The following EZR variants were observed in gnomAD, a reference collection of about 807,000 sequenced individuals.
EZR encodes the protein ezrin.
EZR carries 40 observed loss-of-function variants against 74.8 expected under a neutral mutation model. The ratio of observed to expected loss-of-function variants is 0.53; its 90% CI spans 0.42 to 0.70. The LOEUF is 0.70. Among genes scored for constraint, EZR ranks in the 30% least tolerant of loss-of-function variants. The pLI is 0.00. For missense variants in EZR, 678 were observed against 755.8 expected, an observed-to-expected ratio of 0.90 and a Z score of 1.21; for synonymous variants, 341 against 283.3, an observed-to-expected ratio of 1.20 and a Z score of -2.05.
intron 2 of EZR, among the ~76,000 whole-genome samples, chr6:158,797,597 T>G (rs1777101377): frequency 6.6e-6 from 1 of 152,310 alleles, no homozygotes; most frequent in South Asian, 2.1e-4. Flanking sequence ...TTTAACAGCT[T>G]TCAAATATTT....
intron 2 of EZR, among the ~76,000 whole-genome samples, chr6:158,802,876 C>T (rs949801798): frequency 6.6e-6 from 1 of 152,104 alleles, no homozygotes; most frequent in Non-Finnish European, 1.5e-5. Flanking sequence ...GTTTATCCCT[C>T]GAATACAGCA....
At chr6:158,788,178 G>C (rs1227990313) in intron 3 of EZR, 1 of 152,148 alleles carries the variant, frequency 6.6e-6, no homozygotes, top group Non-Finnish European at 1.5e-5. Flanking sequence ...CAGGTATACA[G>C]AGCATTTGCT....
chr6:158,771,441 C>A, intron 8 of EZR, 34 bp from the exon 9 acceptor site: 1 of 1,543,780 alleles, frequency 6.5e-7, no homozygotes, highest in South Asian at 1.2e-5. Flanking sequence ...TGGACTCAAG[C>A]TCCTTCGTTT....
At chr6:158,787,240 A>C (rs375550013) in intron 3 of EZR, 37 bp from the exon 4 acceptor site, 4 of 1,569,302 alleles carry the variant, frequency 2.5e-6, no homozygotes, top group Admixed American at 3.3e-5. Context: ...ACTCATGAGA[A>C]ACTCACTCAA....
chr6:158,767,572 G>A (rs1405244398), intron 12 of EZR, 60 bp from the exon 13 acceptor site: 6 of 1,507,930 alleles, frequency 4.0e-6, no homozygotes. Context: ...TCCTGGCTAT[G>A]AGAACAGACT....
intron 2 of EZR, among the ~76,000 whole-genome samples, chr6:158,790,146 T>C (rs910662304): frequency 5.3e-5 from 8 of 152,168 alleles, no homozygotes; most frequent in Non-Finnish European, 1.2e-4. Flanking sequence ...CAAAAATGGA[T>C]TATGTAGTGA....
chr6:158,802,960 A>G (rs1777220461), intron 2 of EZR, among the ~76,000 whole-genome samples: 1 of 152,160 alleles, frequency 6.6e-6, no homozygotes, highest in Non-Finnish European at 1.5e-5. Context: ...GGGAAGCAGG[A>G]ACTCATTTCC....
At chr6:158,816,662 A>G (rs966682443) in intron 2 of EZR, among the ~76,000 whole-genome samples, 1 of 152,250 alleles carries the variant, frequency 6.6e-6, no homozygotes, top group Non-Finnish European at 1.5e-5. Flanking sequence ...TGCATCACAA[A>G]TGAATCATCT....
intron 2 of EZR, among the ~76,000 whole-genome samples, chr6:158,794,851 C>G (rs1273357357): frequency 4.6e-5 from 7 of 152,116 alleles, no homozygotes; most frequent in African/African-American, 1.7e-4. Flanking sequence ...AACTTTACTC[C>G]TGTACCACTA....
At chr6:158,780,078 G>A (rs1233031509) in intron 7 of EZR, among the ~76,000 whole-genome samples, 1 of 151,746 alleles carries the variant, frequency 6.6e-6, no homozygotes, top group African/African-American at 2.4e-5. Flanking sequence ...GGCTACTCGG[G>A]AGGCTGAGGC....
chr6:158,791,782 C>G (rs1791755894), intron 2 of EZR, among the ~76,000 whole-genome samples: 1 of 133,240 alleles, frequency 7.5e-6, no homozygotes, highest in Admixed American at 8.4e-5. Flanking sequence ...GATCTTGGCT[C>G]ACTGCAAGCT....
chr6:158,811,231 A>G (rs952588806), intron 2 of EZR, among the ~76,000 whole-genome samples: 1 of 152,238 alleles, frequency 6.6e-6, no homozygotes. Context: ...AACTAATTGG[A>G]GTACTTGGGG....
rs775692684 is a variant in EZR, at chr6:158,771,249, C to T, written c.954G>A (p.Leu318=). The stretch of plus-strand genomic sequence containing the variant: ...CTCTGGCCTCACGCGCTCACCGCTC[C>T]AGCTGCTTCTGATGCTTCTCCTCCC... ...QAREEKHQKQ[L]ERQQLETEKK... The change falls in exon 9 of 14, where the codon CTG becomes CTA. Residue 318 remains leucine (L), a synonymous_variant. Transcript: ENST00000367075. The T allele has an allele frequency of 1.2e-6, 2 of 1,612,030 alleles. No individual in the cohort carries two copies. Among genetic ancestry groups the T allele is most frequent in the South Asian group, 2.2e-5 (2 of 90,750 alleles).
chr6:158,783,419 CTAAA>C (rs1351285572), intron 7 of EZR, 97 bp downstream of exon 7: 7 of 1,075,440 alleles, frequency 6.5e-6, no homozygotes, highest in African/African-American at 3.1e-5. Flanking sequence ...TAGTAAGTTG[CTAAA>C]TAAATACTTC....
rs199969659 is a variant in EZR at position 158,813,864 on chromosome 6, TAA to T, written c.12+4216_12+4217del. On this transcript the variant is annotated intron_variant, in intron 2 of 13. Transcript: ENST00000367075. ...CAGCTCTATGGTTCTCATGACAGCT[TAA>T]AGAGATCTCAGCCCTGAACACAATC... 6.6e-3 allele frequency among the ~76,000 whole-genome samples: 1,011 copies of T among 152,296 alleles called. 3 individuals are homozygous for T. Among genetic ancestry groups the T allele is most frequent in the Middle Eastern group, 0.037 (11 of 294 alleles).
intron 2 of EZR, among the ~76,000 whole-genome samples, chr6:158,811,930 T>TAAAAGAG (rs56397742): frequency 0.53 from 79,002 of 150,454 alleles, 21,654 homozygotes; most frequent in Non-Finnish European, 0.61. Context: ...GTGGAAGGAA[T>TAAAAGAG]AAAAGAGGAA....
At chr6:158,799,999 G>A (rs1777157112) in intron 2 of EZR, among the ~76,000 whole-genome samples, 1 of 152,100 alleles carries the variant, frequency 6.6e-6, no homozygotes, top group African/African-American at 2.4e-5. Context: ...AAAACCCAAT[G>A]ACGACTTTTT....
intron 7 of EZR, among the ~76,000 whole-genome samples, chr6:158,780,174 T>G (rs1442799165): frequency 1.9e-5 from 2 of 102,588 alleles, no homozygotes; most frequent in Non-Finnish European, 4.2e-5. Context: ...CACAGTGAGA[T>G]TCCATATCAA....
chr6:158,810,652 T>A (rs1777434522), intron 2 of EZR, among the ~76,000 whole-genome samples: 1 of 152,182 alleles, frequency 6.6e-6, no homozygotes, highest in Admixed American at 6.5e-5. Flanking sequence ...TCCTCCCTTT[T>A]ACTAAGATAA....
Sources: allele counts gnomAD v4.1 joint callset (sites outside exome capture counted in the v4.1 genomes callset), GRCh38; gene constraint gnomAD v4.1.1; transcripts MANE v1.5; gene names NCBI Gene and HGNC (gene_info 2026-07-23, HGNC 2026-07-21).